KAT2B: variants seen among roughly 807,000 people sequenced by gnomAD.
KAT2B encodes the protein lysine acetyltransferase 2B.
In KAT2B, 36 loss-of-function variants were observed where a neutral mutation model predicts 105.9. The observed-to-expected ratio is 0.34, with a 90% CI of 0.26 to 0.45. The LOEUF (loss-of-function observed/expected upper bound fraction) is 0.45, where lower values mean the gene tolerates loss of function less well. KAT2B is among the 20% of genes least tolerant of loss of function. The probability of loss-of-function intolerance (pLI) is 1.00; values close to 1 mark genes in which losing one functional copy is unlikely to be tolerated. For missense variants in KAT2B, 820 were observed against 1,021.6 expected, an observed-to-expected ratio of 0.80 and a Z score of 2.69; for synonymous variants, 397 against 377.9, an observed-to-expected ratio of 1.05 and a Z score of -0.59.
intron 1 of KAT2B, among the ~76,000 whole-genome samples, chr3:20,042,661 T>C (rs1697740383): frequency 6.6e-6 from 1 of 152,218 alleles, no homozygotes; most frequent in Non-Finnish European, 1.5e-5. Flanking sequence ...AAAATTTATT[T>C]ATTGGGTTCT....
At chr3:20,121,846 TTGAA>T (rs1699316795) in intron 8 of KAT2B, among the ~76,000 whole-genome samples, 1 of 149,252 alleles carries the variant, frequency 6.7e-6, no homozygotes, top group East Asian at 2.0e-4. Context: ...CCTGCCAAGA[TTGAA>T]TGAGATGAGC....
intron 5 of KAT2B, among the ~76,000 whole-genome samples, chr3:20,103,690 T>A (rs1247978540): frequency 6.6e-6 from 1 of 152,156 alleles, no homozygotes; most frequent in African/African-American, 2.4e-5. Context: ...ATTACATGTG[T>A]GAGTCACTGT....
intron 2 of KAT2B, among the ~76,000 whole-genome samples, chr3:20,080,223 A>T (rs1419119377): frequency 2.0e-5 from 3 of 152,162 alleles, no homozygotes; most frequent in Admixed American, 6.5e-5. Context: ...CAGTTCATTG[A>T]GGCCTCTTTA....
intron 1 of KAT2B, among the ~76,000 whole-genome samples, chr3:20,072,078 A>G (rs527745485): frequency 5.9e-5 from 9 of 152,250 alleles, no homozygotes; most frequent in African/African-American, 2.2e-4. Context: ...AATGGTAGCA[A>G]AGTGTGTGGG....
At chr3:20,126,508 A>G (rs1216337107) in intron 10 of KAT2B, among the ~76,000 whole-genome samples, 2 of 150,440 alleles carry the variant, frequency 1.3e-5, no homozygotes, top group African/African-American at 4.9e-5. Flanking sequence ...AACTTTGAAA[A>G]TCCATTGCTT....
chr3:20,147,880 T>C, intron 14 of KAT2B, 83 bp from the exon 15 acceptor site: 1 of 1,306,934 alleles, frequency 7.7e-7, no homozygotes, highest in South Asian at 1.3e-5. Context: ...GCCTATAATT[T>C]CTTGTTTTTG....
intron 1 of KAT2B, among the ~76,000 whole-genome samples, chr3:20,052,605 G>A (rs1361762112): frequency 6.6e-6 from 1 of 151,494 alleles, no homozygotes. Context: ...ACTTTAGGAG[G>A]CTGAGTTGGT....
chr3:20,049,227 T>C (rs1020082144), intron 1 of KAT2B, among the ~76,000 whole-genome samples: 5 of 152,192 alleles, frequency 3.3e-5, no homozygotes, highest in African/African-American at 9.6e-5. Flanking sequence ...TGCCACCTCA[T>C]TGACTTATTG....
chr3:20,101,581 T>G, intron 5 of KAT2B, 113 bp downstream of exon 5: 3 of 761,982 alleles, frequency 3.9e-6, no homozygotes, highest in Non-Finnish European at 6.5e-6. Flanking sequence ...ACTCCATCAA[T>G]TCAGAGATAA....
chr3:20,112,526 A>T (rs1699140220), intron 6 of KAT2B, among the ~76,000 whole-genome samples: 1 of 152,254 alleles, frequency 6.6e-6, no homozygotes, highest in African/African-American at 2.4e-5. Context: ...AAGCGGTTGG[A>T]TGCTGGTGGG....
intron 17 of KAT2B, among the ~76,000 whole-genome samples, chr3:20,149,312 T>TAC (rs1303408504): frequency 2.0e-4 from 31 of 151,492 alleles, no homozygotes; most frequent in Non-Finnish European, 4.4e-5. Flanking sequence ...GCTTGGGTAA[T>TAC]GTAGTGAGAC....
intron 6 of KAT2B, 124 bp downstream of exon 6, chr3:20,111,911 G>A: frequency 1.4e-6 from 1 of 736,886 alleles, no homozygotes; most frequent in Non-Finnish European, 2.2e-6. Flanking sequence ...GGGGATGGGA[G>A]AAAAGACCCT....
chr3:20,043,049 C>T (rs1697746915), intron 1 of KAT2B, among the ~76,000 whole-genome samples: 1 of 151,910 alleles, frequency 6.6e-6, no homozygotes, highest in Non-Finnish European at 1.5e-5. Flanking sequence ...TACAGGCATG[C>T]GCCAGTACAC....
intron 1 of KAT2B, among the ~76,000 whole-genome samples, chr3:20,057,593 CA>C (rs1477299034): frequency 2.6e-5 from 4 of 152,186 alleles, no homozygotes; most frequent in African/African-American, 9.7e-5. Context: ...GGCATTTTGA[CA>C]GATAATTTCT....
chr3:20,144,460 T>C (rs1425231833), intron 13 of KAT2B, among the ~76,000 whole-genome samples: 1 of 151,588 alleles, frequency 6.6e-6, no homozygotes, highest in African/African-American at 2.4e-5. Context: ...AGCTAATTTT[T>C]TGTAATTTTT....
chr3:20,116,404 A>T (rs1053929065), intron 7 of KAT2B, among the ~76,000 whole-genome samples: 1 of 152,026 alleles, frequency 6.6e-6, no homozygotes, highest in Non-Finnish European at 1.5e-5. Context: ...AATATATCCT[A>T]TCCATGGTTC....
intron 3 of KAT2B, among the ~76,000 whole-genome samples, chr3:20,098,550 C>A (rs980244987): frequency 2.6e-5 from 4 of 152,140 alleles, no homozygotes; most frequent in African/African-American, 7.2e-5. Flanking sequence ...ACACTTATCC[C>A]AGCTTCATCA....
chr3:20,120,728 A>G (rs917408894), intron 8 of KAT2B, among the ~76,000 whole-genome samples: 1 of 152,212 alleles, frequency 6.6e-6, no homozygotes, highest in Non-Finnish European at 1.5e-5. Context: ...TCTTGAGCCT[A>G]GAAGCATTTC....
chr3:20,125,820 A>C (rs769554331), intron 9 of KAT2B, 85 bp from the exon 10 acceptor site: 1 of 1,104,708 alleles, frequency 9.1e-7, no homozygotes, highest in Non-Finnish European at 1.4e-6. Context: ...TTATTAGAAC[A>C]AAGATGAGAA....
Sources: gnomAD v4.1 joint callset for allele counts (sites outside exome capture counted in the v4.1 genomes callset) on GRCh38, gnomAD v4.1.1 for gene constraint, MANE v1.5 for transcripts, NCBI Gene and HGNC (gene_info 2026-07-23, HGNC 2026-07-21) for gene names.